Variants in UPP1 observed in about 807,000 individuals in gnomAD.
UPP1 encodes uridine phosphorylase 1.
Under a neutral mutation model 29.6 loss-of-function variants are expected in UPP1, and 25 were observed. The ratio of observed to expected loss-of-function variants is 0.85; its 90% CI spans 0.62 to 1.18. The LOEUF (loss-of-function observed/expected upper bound fraction) is 1.18, where lower values mean the gene tolerates loss of function less well. Ranked by LOEUF, UPP1 falls within the 50% of genes most tolerant of loss-of-function variation. UPP1 has a pLI of 0.00. For missense variants in UPP1, 368 were observed against 410.4 expected, an observed-to-expected ratio of 0.90 and a Z score of 0.89; for synonymous variants, 165 against 159.8, an observed-to-expected ratio of 1.03 and a Z score of -0.25.
intron 2 of UPP1, among the ~76,000 whole-genome samples, chr7:48,090,725 C>T (rs1369024659): frequency 1.3e-5 from 2 of 152,188 alleles, no homozygotes; most frequent in Non-Finnish European, 2.9e-5. Flanking sequence ...AGTTTGTTTG[C>T]CCATCTGCAT....
intron 2 of UPP1, among the ~76,000 whole-genome samples, chr7:48,093,352 C>T (rs1036101875): frequency 5.3e-5 from 8 of 152,150 alleles, no homozygotes; most frequent in Non-Finnish European, 8.8e-5. Flanking sequence ...AGGTGAGAAC[C>T]GTGTGGTGGA....
rs1336661451 is a variant in UPP1 at position 48,101,887 on chromosome 7, C to T, written c.226C>T (p.Leu76=). The change falls in exon 5 of 9, where the codon CTG becomes TTG. Residue 76 remains leucine (L), a synonymous_variant. Coordinates refer to ENST00000395564, the MANE Select transcript of UPP1 (RefSeq NM_003364.4). ...KAFIRCVGAE[L]GLDCPGRDYP... The stretch of plus-strand genomic sequence containing the variant: ...CTTCATCAGGTGCGTTGGTGCAGAG[C>T]TGGGCCTTGACTGCCCAGGTAGAGA... 4 of 1,613,952 alleles carry T rather than the reference C, an allele frequency of 2.5e-6. No homozygotes were observed. In the South Asian group the frequency reaches 4.4e-5, roughly 18 times the overall value.
At position 48,106,897 on chromosome 7, in the gene UPP1, T is replaced by C. The variant is rs374185275; in HGVS notation, c.461T>C (p.Ile154Thr). The C allele has an allele frequency of 2.1e-5, 34 of 1,613,830 alleles. No homozygotes were observed. In the Admixed American group the frequency reaches 2.8e-4, roughly 13 times the overall value. ...GGTCTGGAGCCCGGCACTGTGGTCA[T>C]AACAGAGCAGGCAGTGGATACCTGC... ...GIGLEPGTVV[I>T]TEQAVDTCFK... The change falls in exon 7 of 9, where the codon ATA (isoleucine) becomes ACA (threonine). Residue 154 changes from isoleucine to threonine, a missense_variant. Transcript: ENST00000395564.
rs1792586000 is a variant in UPP1, at chr7:48,103,994, CGGATCACAAGATCGGGA to C, written c.436+585_436+601del. The C allele has an allele frequency of 4.0e-6, 4 of 993,490 alleles. No homozygotes were observed. The African/African-American group carries it at 5.1e-5, about 13-fold the overall frequency. The allele number at this position is 993,490 out of a possible 1,614,324, so 61.5% of individuals were successfully genotyped here. A position where few individuals can be genotyped will look rare whatever the true frequency, so the allele number is the denominator to read the frequency against. On this transcript the variant is annotated intron_variant, in intron 6 of 8. Coordinates refer to ENST00000395564, the MANE Select transcript of UPP1 (RefSeq NM_003364.4). ...CAGCACATTGGGAGGCCGAGGCGGG[CGGATCACAAGATCGGGA>C]GATCGAGACCATCCTGGCCAACATG...
chr7:48,093,776 C>T (rs919088757), intron 2 of UPP1, among the ~76,000 whole-genome samples: 1 of 152,164 alleles, frequency 6.6e-6, no homozygotes, highest in Admixed American at 6.5e-5. Flanking sequence ...ATGGTGGTCC[C>T]CTGTCCCCGC....
chr7:48,103,574 G>A (rs1267755361), intron 6 of UPP1, among the ~76,000 whole-genome samples, 163 bp downstream of exon 6: 1 of 152,128 alleles, frequency 6.6e-6, no homozygotes, highest in Non-Finnish European at 1.5e-5. Context: ...TTGTTTTGTT[G>A]TTTTTGTCCA....
At position 48,094,676 on chromosome 7, in the gene UPP1, A is replaced by G. The variant is rs551179950; in HGVS notation, c.-21-87A>G. 23 of 1,169,182 alleles carry G rather than the reference A, an allele frequency of 2.0e-5. No individual in the cohort carries two copies. The African/African-American group carries it at 3.3e-4, about 17-fold the overall frequency. The allele number at this position is 1,169,182 out of a possible 1,614,324, so 72.4% of individuals were successfully genotyped here. ...TGTGTAAGGAATTCCACTTCATTGC[A>G]CTGACTTTCTACATATTAGTGGGGC... On this transcript the variant is annotated intron_variant, in intron 2 of 8. Transcript: ENST00000395564.
chr7:48,107,469 C>A lies in UPP1; in HGVS notation c.755C>A (p.Ser252Ter), dbSNP rs770548821. Residue 252 changes from serine to a stop codon, truncating the protein, a stop_gained, in exon 8 of 9, where the codon TCG (serine) becomes TAG (stop). Transcript: ENST00000395564. LOFTEE classifies it high-confidence loss of function. The stretch of plus-strand genomic sequence containing the variant: ...GTCCGCAATATCGAGATGGAGTCCT[C>A]GGTGTTTGCCGCCATGTGCAGCGCC... Reference protein sequence around the residue: ...AGVRNIEMESSVFAAMCSACG... With the variant: ...AGVRNIEMES 1.4e-5 allele frequency: 22 copies of A among 1,613,880 alleles called. No individual in the cohort carries two copies. The highest frequency in any genetic ancestry group is 2.7e-5 in the African/African-American group (2 of 74,938).
intron 2 of UPP1, among the ~76,000 whole-genome samples, chr7:48,092,190 G>C (rs1791876661): frequency 1.3e-5 from 2 of 152,142 alleles, no homozygotes; most frequent in South Asian, 2.1e-4. Flanking sequence ...TTTTAGGGGA[G>C]GTTGTAAGAG....
At chr7:48,097,359 A>G (rs6947463) in intron 3 of UPP1, among the ~76,000 whole-genome samples, 14,150 of 152,104 alleles carry the variant, frequency 0.093, 955 homozygotes, top group East Asian at 0.24. Context: ...TCAGCCTCCC[A>G]GGGAGGTGGG....
In UPP1 at chr7:48,094,770, C is replaced by T. The variant is rs1188748660; in HGVS notation, c.-14C>T. On this transcript the variant is annotated 5_prime_UTR_variant, in exon 3 of 9. Coordinates refer to ENST00000395564, the MANE Select transcript of UPP1 (RefSeq NM_003364.4). ...GTGATTTTTTTTCCTTAGGGTCCTG[C>T]CTCAGTTGGCGGAATGGCGGCCACG... 7.4e-6 allele frequency: 12 copies of T among 1,614,128 alleles called. No homozygotes were observed. The highest frequency in any genetic ancestry group is 9.3e-6 in the Non-Finnish European group (11 of 1,180,028).
At chr7:48,098,128 CT>C (rs1792220658) in intron 3 of UPP1, among the ~76,000 whole-genome samples, 1 of 152,216 alleles carries the variant, frequency 6.6e-6, no homozygotes, top group South Asian at 2.1e-4. Context: ...ACCTAGCCCC[CT>C]GTCCCCTTAT....
Position 48,099,804 on chromosome 7 carries a change from T to G in UPP1, c.162+17T>G. 1 of 1,559,806 alleles carries G rather than the reference T, an allele frequency of 6.4e-7. No homozygotes were observed. The highest frequency in any genetic ancestry group is 8.8e-7 in the Non-Finnish European group (1 of 1,130,754). On this transcript the variant is annotated intron_variant, in intron 4 of 8. Coordinates refer to ENST00000395564, the MANE Select transcript of UPP1 (RefSeq NM_003364.4). ...GATGTGAAGGTAAGAGGCCAGGTGT[T>G]GACACCTTGGAATTTGCCTTAAGAT...
At chr7:48,103,167 T>C (rs1279169375) in intron 5 of UPP1, 130 bp from the exon 6 acceptor site, 4 of 659,056 alleles carry the variant, frequency 6.1e-6, no homozygotes, top group African/African-American at 5.5e-5. Flanking sequence ...TAAATTTATA[T>C]TTAAAAAGTT....
chr7:48,104,101 C>T (rs1453361122), intron 6 of UPP1: 1 of 296,590 alleles, frequency 3.4e-6, no homozygotes, highest in Non-Finnish European at 6.3e-6. Flanking sequence ...GTCTGTAGTC[C>T]CAGCTGCTGG....
chr7:48,090,453 G>GT (rs1259617406), intron 2 of UPP1, 89 bp downstream of exon 2: 1 of 152,198 alleles, frequency 6.6e-6, no homozygotes, highest in Non-Finnish European at 1.5e-5. Flanking sequence ...AGGCGCCTGG[G>GT]TGACCTGTCT....
chr7:48,091,039 A>C (rs1472114817), intron 2 of UPP1, among the ~76,000 whole-genome samples: 1 of 152,062 alleles, frequency 6.6e-6, no homozygotes, highest in Non-Finnish European at 1.5e-5. Context: ...AACAAACAAA[A>C]AAACCCAAAA....
chr7:48,097,483 G>A (rs549337221), intron 3 of UPP1, among the ~76,000 whole-genome samples: 3 of 152,226 alleles, frequency 2.0e-5, no homozygotes, highest in African/African-American at 4.8e-5. Context: ...ATCCACCTGC[G>A]TTGGCCTCCT....
chr7:48,098,388 T>C (rs78893893), intron 3 of UPP1, among the ~76,000 whole-genome samples: 4,318 of 152,252 alleles, frequency 0.028, 213 homozygotes, highest in African/African-American at 0.098. Flanking sequence ...TAAAATAGGA[T>C]GGGACCATCT....
Sources: gnomAD v4.1 joint callset for allele counts (sites outside exome capture counted in the v4.1 genomes callset) on GRCh38, gnomAD v4.1.1 for gene constraint, MANE v1.5 for transcripts, NCBI Gene and HGNC (gene_info 2026-07-23, HGNC 2026-07-21) for gene names.